Variants in SPTBN2 observed in about 807,000 individuals in gnomAD.
SPTBN2 encodes spectrin beta chain, non-erythrocytic 2.
In SPTBN2, 107 loss-of-function variants were observed where a neutral mutation model predicts 284.2. The ratio of observed to expected loss-of-function variants is 0.38; its 90% CI spans 0.32 to 0.44. The LOEUF (loss-of-function observed/expected upper bound fraction) is 0.44, where lower values mean the gene tolerates loss of function less well. Ranked by LOEUF, SPTBN2 falls within the 20% of genes least tolerant of loss-of-function variation. The pLI is 1.00. For missense variants in SPTBN2, 2,569 were observed against 3,287.1 expected (o/e 0.78, Z 5.34); for synonymous variants, 1,289 against 1,354.8 (o/e 0.95, Z 1.07).
At chr11:66,744,675 T>A, upstream of SPTBN2, 1 of 569,970 alleles carries the variant, frequency 1.8e-6, no homozygotes, top group Non-Finnish European at 2.4e-6. Flanking sequence ...CCCTGCAGCG[T>A]CGAGTGCGCA....
chr11:66,727,496 C>A (rs747790683), intron 1 of SPTBN2, among the ~76,000 whole-genome samples: 2 of 152,244 alleles, frequency 1.3e-5, no homozygotes, highest in Non-Finnish European at 2.9e-5. Flanking sequence ...GGAACACCCC[C>A]GCGAGCAGGC....
chr11:66,713,435 G>A lies in SPTBN2; in HGVS notation c.772+196C>T, dbSNP rs117590927. ...CAAAGTGCTGGGTGTGAGCAACCAC[G>A]TGTTTTTCAGTATATTTACAAGGTT... is the stretch of plus-strand genomic sequence containing the variant. On this transcript the variant is annotated intron_variant, in intron 8 of 37. Coordinates refer to ENST00000533211, the MANE Select transcript of SPTBN2 (RefSeq NM_006946.4). Among the ~76,000 whole-genome samples the A allele has an allele frequency of 4.1e-3, 630 of 152,130 alleles. 2 individuals carry two copies. The highest frequency in any genetic ancestry group is 7.6e-3 in the Non-Finnish European group (516 of 67,994).
Position 66,713,707 on chromosome 11 carries a change from A to C in SPTBN2, c.696T>G (p.Asn232Lys). ...LLDFESLKKC[N>K]AHYNLQNAFN... Reference sequence around the variant, plus strand: ...ATGCATTCTGCAGATTATAGTGTGCATTACACTTCTTCAGAGACTCAAAAT... The same window carrying C: ...ATGCATTCTGCAGATTATAGTGTGCCTTACACTTCTTCAGAGACTCAAAAT... The change falls in exon 8 of 38, where the codon AAT becomes AAG. Residue 232 changes from asparagine (N) to lysine (K), a missense_variant. Physicochemically the swap from Asn to Lys is moderately conservative, Grantham distance 94. Around this residue, in one of 6 missense-constraint regions of SPTBN2, gnomAD observed 304 missense variants for 522.1 expected, o/e 0.58. Coordinates refer to ENST00000533211, the MANE Select transcript of SPTBN2 (RefSeq NM_006946.4). 6.2e-7 allele frequency: 1 copy of C among 1,614,152 alleles called. No homozygotes were observed. The highest frequency in any genetic ancestry group is 8.5e-7 in the Non-Finnish European group (1 of 1,180,032).
At chr11:66,733,784 CT>C (rs1166932823), upstream of SPTBN2, among the ~76,000 whole-genome samples, 1 of 152,098 alleles carries the variant, frequency 6.6e-6, no homozygotes, top group Non-Finnish European at 1.5e-5. Flanking sequence ...CCTATTGCAC[CT>C]GGCTAACAAG....
chr11:66,721,523 G>T (rs1166826302), intron 1 of SPTBN2, 83 bp from the exon 2 acceptor site: 2 of 492,162 alleles, frequency 4.1e-6, no homozygotes. Flanking sequence ...GTCAGGAAAG[G>T]CTCCAACGAC....
At chr11:66,726,046 C>T (rs931623816) in intron 1 of SPTBN2, among the ~76,000 whole-genome samples, 1 of 152,188 alleles carries the variant, frequency 6.6e-6, no homozygotes, top group Non-Finnish European at 1.5e-5. Context: ...TCTGCCCGCT[C>T]CACATTTAAC....
intron 1 of SPTBN2, chr11:66,727,864 C>G (rs1942678192): frequency 6.6e-6 from 1 of 150,546 alleles, no homozygotes. Context: ...CTGTCAGACC[C>G]GCTCCCAGCC....
At chr11:66,695,047 C>G (rs1940830185) in intron 21 of SPTBN2, among the ~76,000 whole-genome samples, 2 of 152,158 alleles carry the variant, frequency 1.3e-5, no homozygotes, top group South Asian at 4.1e-4. Context: ...CCTGTGATAC[C>G]CCAGCAAATT....
At chr11:66,713,859 T>C (rs1340176630) in intron 7 of SPTBN2, 113 bp from the exon 8 acceptor site, 1 of 984,244 alleles carries the variant, frequency 1.0e-6, no homozygotes, top group Non-Finnish European at 1.6e-6. Context: ...TGTCCAGAAG[T>C]AGGCATCCCA....
Position 66,693,711 on chromosome 11 carries a change from A to AT in SPTBN2, c.4593+60_4593+61insA. ...GAGGGGGGCCTGGTCTTAAGAAAAA[A>AT]CACGTCCAAGTCTGGGCAGGCTCCT... On this transcript the variant is annotated intron_variant, in intron 23 of 37. Transcript: ENST00000533211. This position sits in a 1 kb window ranked among gnomAD's most constrained non-coding sequence, Gnocchi z 5.7. 11 of 1,521,524 alleles carry AT rather than the reference A, an allele frequency of 7.2e-6. No homozygotes were observed. Among genetic ancestry groups the AT allele is most frequent in the Non-Finnish European group, 9.9e-6 (11 of 1,115,070 alleles). 94.3% of individuals were successfully genotyped at this position (1,521,524 alleles called of 1,614,324 possible).
rs200876976 is a variant in SPTBN2 at position 66,687,587 on chromosome 11, C to T, written c.6562G>A (p.Gly2188Ser). ...TGGGGCATTGCAGATGGGGCCGGGC[C>T]CCGAGTCCGGGTCTGCCTCTCTCCC... ...PRGERQTRTR[G>S]PAPSAMPQSR... is the part of the protein sequence containing the mutation. Residue 2188 changes from glycine to serine, a missense_variant, in exon 35 of 38, where the codon GGC becomes AGC. Coordinates refer to ENST00000533211, the MANE Select transcript of SPTBN2 (RefSeq NM_006946.4). The surrounding 1 kb of genome is among the most constrained non-coding windows in gnomAD (Gnocchi z 5.2). 80 of 1,610,450 alleles carry T rather than the reference C, an allele frequency of 5.0e-5. No individual in the cohort carries two copies. In the African/African-American group the frequency reaches 9.9e-4, roughly 20 times the overall value.
chr11:66,702,397 C>T (rs1458239551), intron 15 of SPTBN2, among the ~76,000 whole-genome samples: 4 of 152,098 alleles, frequency 2.6e-5, no homozygotes, highest in Admixed American at 2.6e-4. Flanking sequence ...GAACTCCTGA[C>T]CTCATGCTCC....
rs139233031 is a variant in SPTBN2, at chr11:66,716,999, G to T, written c.158-1018C>A. On this transcript the variant is annotated intron_variant, in intron 3 of 37. Transcript: ENST00000533211. ...AAAGGCAGGCTCCTCTGCTTCTGGG[G>T]GTTGGGGACAGTACATTCAGCTGGC... 5.2e-3 allele frequency among the ~76,000 whole-genome samples: 790 copies of T among 152,270 alleles called. 5 individuals carry two copies. The highest frequency in any genetic ancestry group is 7.4e-3 in the Non-Finnish European group (506 of 68,028).
chr11:66,714,067 C>A lies in SPTBN2; in HGVS notation c.656+24G>T, dbSNP rs200460794. On this transcript the variant is annotated intron_variant, in intron 7 of 37. Transcript: ENST00000533211. ...ATTAGCCGACCCAGCAGCTCTGCTG[C>A]GTTTGCTAACCCCATCTTCTCACCG... The A allele has an allele frequency of 2.5e-6, 4 of 1,613,056 alleles. No individual in the cohort carries two copies. The East Asian group carries it at 6.7e-5, about 27-fold the overall frequency.
At chr11:66,705,532 C>A in intron 14 of SPTBN2, 64 bp from the exon 15 acceptor site, 2 of 1,609,576 alleles carry the variant, frequency 1.2e-6, no homozygotes, top group Non-Finnish European at 1.7e-6. Flanking sequence ...CCTGCCACCA[C>A]ACTCTCTTGG....
Position 66,699,386 on chromosome 11 carries a change from A to G in SPTBN2, c.3776+20T>C. On this transcript the variant is annotated intron_variant, in intron 18 of 37. Coordinates refer to ENST00000533211, the MANE Select transcript of SPTBN2 (RefSeq NM_006946.4). ...GATTCCCCCCTGGGAACCCTAATTCATGGACTGTCCTCATCAGACCTCCTC... is the reference window on the plus strand; with the variant it reads ...GATTCCCCCCTGGGAACCCTAATTCGTGGACTGTCCTCATCAGACCTCCTC... 6.2e-7 allele frequency: 1 copy of G among 1,613,028 alleles called. No individual in the cohort carries two copies. The highest frequency in any genetic ancestry group is 8.5e-7 in the Non-Finnish European group (1 of 1,179,474).
chr11:66,699,700 G>C (rs1203479257), intron 17 of SPTBN2, 92 bp from the exon 18 acceptor site: 7 of 1,304,722 alleles, frequency 5.4e-6, no homozygotes, highest in African/African-American at 1.5e-5. Flanking sequence ...GAGAGGTAGG[G>C]ACCAACAAGC....
chr11:66,719,245 CCACTTGCTTAT>C (rs1365908203), intron 3 of SPTBN2, among the ~76,000 whole-genome samples: 1 of 152,272 alleles, frequency 6.6e-6, no homozygotes, highest in Non-Finnish European at 1.5e-5. Flanking sequence ...ACCATCCTTT[CCACTTGCTTAT>C]CACCACCTCC....
intron 26 of SPTBN2, among the ~76,000 whole-genome samples, 163 bp downstream of exon 26, chr11:66,692,373 C>A (rs867869066): frequency 6.6e-6 from 1 of 152,176 alleles, no homozygotes; most frequent in African/African-American, 2.4e-5. Context: ...CTATGCCCGG[C>A]CTCTTCAAAT....
Sources: gnomAD v4.1 joint callset for allele counts (sites outside exome capture counted in the v4.1 genomes callset) on GRCh38, gnomAD v4.1.1 for gene constraint, gnomAD v4.1.1 regional missense constraint, Gnocchi (gnomAD v3.1) non-coding constraint, MANE v1.5 for transcripts, NCBI Gene and HGNC (gene_info 2026-07-23, HGNC 2026-07-21) for gene names.